EPS15: variants seen among roughly 807,000 people sequenced by gnomAD.
EPS15 encodes the protein epidermal growth factor receptor pathway substrate 15.
Under a neutral mutation model 113.8 loss-of-function variants are expected in EPS15, and 72 were observed. The ratio of observed to expected loss-of-function variants is 0.63; its 90% confidence interval spans 0.52 to 0.77. The LOEUF (loss-of-function observed/expected upper bound fraction) is 0.77. EPS15 is among the 30% of genes least tolerant of loss of function. The pLI, the probability that EPS15 is intolerant of heterozygous loss-of-function variation, is 0.00. For synonymous variants in EPS15, 344 were observed against 363.4 expected (o/e 0.95, Z 0.61); for missense variants, 1,048 against 1,045.8 (o/e 1.00, Z -0.03).
At chr1:51,405,043 T>C (rs1299023651) in intron 16 of EPS15, among the ~76,000 whole-genome samples, 1 of 152,206 alleles carries the variant, frequency 6.6e-6, no homozygotes, top group Non-Finnish European at 1.5e-5. Flanking sequence ...TATCCTCCTC[T>C]TCTTTGCTTA....
chr1:51,457,769 T>A (rs1005393695), intron 8 of EPS15: 4 of 152,162 alleles, frequency 2.6e-5, no homozygotes, highest in African/African-American at 9.7e-5. Context: ...TTTTGAAGCA[T>A]TTCAAGTTTT....
chr1:51,440,321 G>T, intron 12 of EPS15, 26 bp downstream of exon 12: 1 of 910,108 alleles, frequency 1.1e-6, no homozygotes. Context: ...GTGTATGTGA[G>T]TAGGCTGTAA....
In EPS15 at chr1:51,365,962, T is replaced by C. The variant is rs756344438; in HGVS notation, c.2187A>G (p.Thr729=). 2.5e-6 allele frequency: 4 copies of C among 1,607,338 alleles called. No homozygotes were observed. The African/African-American group carries it at 4.0e-5, about 16-fold the overall frequency. The change falls in exon 22 of 25, where the codon ACA becomes ACG. Residue 729 remains threonine (T), a synonymous_variant. Coordinates refer to ENST00000371733, the MANE Select transcript of EPS15 (RefSeq NM_001981.3). ...SFGGGFADFS[T]LSKVNNEDPF... ...AATTACTGTAGATTACCTTTGACAATGTGCTGAAGTCAGCAAATCCACCTC... is the reference window on the plus strand; with the variant it reads ...AATTACTGTAGATTACCTTTGACAACGTGCTGAAGTCAGCAAATCCACCTC...
At chr1:51,516,441 A>G (rs958641834) in intron 1 of EPS15, among the ~76,000 whole-genome samples, 1 of 152,002 alleles carries the variant, frequency 6.6e-6, no homozygotes, top group East Asian at 1.9e-4. Flanking sequence ...CTGGATATTT[A>G]ACCCAAACCC....
At chr1:51,360,011 C>T (rs1366940395) in intron 24 of EPS15, among the ~76,000 whole-genome samples, 1 of 152,012 alleles carries the variant, frequency 6.6e-6, no homozygotes, top group Non-Finnish European at 1.5e-5. Context: ...CCCCAAGTAG[C>T]TGGGACTACA....
At chr1:51,434,011 T>A (rs1348599509) in intron 12 of EPS15, among the ~76,000 whole-genome samples, 1 of 152,240 alleles carries the variant, frequency 6.6e-6, no homozygotes, top group Non-Finnish European at 1.5e-5. Flanking sequence ...CTCTCAAGAA[T>A]GGGTCCACAG....
intron 12 of EPS15, among the ~76,000 whole-genome samples, chr1:51,434,144 A>G (rs971536888): frequency 1.3e-5 from 2 of 152,238 alleles, no homozygotes; most frequent in Non-Finnish European, 2.9e-5. Context: ...GAAATCCTTG[A>G]CACAAAAACA....
At chr1:51,357,391 A>AAAAAAAAAAAT (rs1491245303) in intron 24 of EPS15, among the ~76,000 whole-genome samples, 1 of 65,720 alleles carries the variant, frequency 1.5e-5, no homozygotes, top group African/African-American at 7.0e-5. Context: ...AAAAAAAAAA[A>AAAAAAAAAAAT]ATATATATAT....
intron 8 of EPS15, among the ~76,000 whole-genome samples, chr1:51,460,536 A>G (rs1654361529): frequency 6.6e-6 from 1 of 152,238 alleles, no homozygotes; most frequent in African/African-American, 2.4e-5. Context: ...AAAAGATACT[A>G]TCTTTACAGT....
intron 19 of EPS15, among the ~76,000 whole-genome samples, chr1:51,400,419 A>G (rs531415168): frequency 2.0e-5 from 3 of 152,260 alleles, no homozygotes; most frequent in South Asian, 2.1e-4. Flanking sequence ...TATCGGGCAC[A>G]GTCGCTCACA....
intron 22 of EPS15, 58 bp downstream of exon 22, chr1:51,365,895 T>C: frequency 1.7e-6 from 2 of 1,175,164 alleles, no homozygotes; most frequent in South Asian, 1.4e-5. Context: ...GAAAGGAGGA[T>C]TGTTCTTTTG....
In EPS15 at chr1:51,488,490, A is replaced by AAAAAC. The variant is rs1644168404; in HGVS notation, c.34-7177_34-7176insGTTTT. ...AGTTTTGTAAAAAAAAAAAAAAAAAAAAAAAACTCAGACTTTGTATCAGAA... is the reference window on the plus strand; with the variant it reads ...AGTTTTGTAAAAAAAAAAAAAAAAAAAAAACAAAAAACTCAGACTTTGTATCAGAA... On this transcript the variant is annotated intron_variant, in intron 1 of 24. Coordinates refer to ENST00000371733, the MANE Select transcript of EPS15 (RefSeq NM_001981.3). Among the ~76,000 whole-genome samples, 5 of 150,376 alleles carry AAAAAC rather than the reference A, an allele frequency of 3.3e-5. No individual in the cohort carries two copies. In the South Asian group the frequency reaches 8.3e-4, roughly 25 times the overall value.
intron 1 of EPS15, among the ~76,000 whole-genome samples, chr1:51,501,324 C>T (rs1644410069): frequency 6.6e-6 from 1 of 151,520 alleles, no homozygotes; most frequent in African/African-American, 2.4e-5. Flanking sequence ...AGGAGAATTG[C>T]TTGAACCCGG....
At chr1:51,505,652 T>C (rs1287489134) in intron 1 of EPS15, among the ~76,000 whole-genome samples, 1 of 152,144 alleles carries the variant, frequency 6.6e-6, no homozygotes, top group East Asian at 1.9e-4. Context: ...ATAGGGTAAG[T>C]TGTATGGTAT....
rs141780725 is a variant in EPS15, at chr1:51,467,873, T to C, written c.309+600A>G. Among the ~76,000 whole-genome samples the C allele has an allele frequency of 1.1e-4, 16 of 152,302 alleles. No individual in the cohort carries two copies. The East Asian group carries it at 2.3e-3, about 22-fold the overall frequency. Reference sequence around the variant, plus strand: ...AGGTCCATGGAAAAATTGTCTTCCATGAAACCGGTCCCTGGTGCCAAAAAG... The same window carrying C: ...AGGTCCATGGAAAAATTGTCTTCCACGAAACCGGTCCCTGGTGCCAAAAAG... On this transcript the variant is annotated intron_variant, in intron 5 of 24. Transcript: ENST00000371733.
intron 16 of EPS15, among the ~76,000 whole-genome samples, chr1:51,405,391 G>C (rs1649000702): frequency 6.6e-6 from 1 of 152,088 alleles, no homozygotes; most frequent in Admixed American, 6.5e-5. Context: ...TTTAAAAACA[G>C]GCTCTACAAA....
At chr1:51,396,773 T>A (rs1321446211) in intron 20 of EPS15, among the ~76,000 whole-genome samples, 1 of 152,196 alleles carries the variant, frequency 6.6e-6, no homozygotes, top group African/African-American at 2.4e-5. Context: ...ATTGGGGAGT[T>A]TAGCAGGGCA....
chr1:51,365,910 A>C, intron 22 of EPS15, 43 bp downstream of exon 22: 1 of 1,354,822 alleles, frequency 7.4e-7, no homozygotes, highest in Non-Finnish European at 1.0e-6. Flanking sequence ...CTTTTGGTGG[A>C]AACACAGTAT....
intron 21 of EPS15, among the ~76,000 whole-genome samples, chr1:51,386,522 G>C (rs1647079126): frequency 6.6e-6 from 1 of 152,170 alleles, no homozygotes; most frequent in African/African-American, 2.4e-5. Context: ...ACAGGGTCTG[G>C]AGTGGACCTC....
Sources: allele counts gnomAD v4.1 joint callset (sites outside exome capture counted in the v4.1 genomes callset), GRCh38; gene constraint gnomAD v4.1.1; transcripts MANE v1.5; gene names NCBI Gene and HGNC (gene_info 2026-07-23, HGNC 2026-07-21).